The following SRRM2 variants were observed in gnomAD, a reference collection of about 807,000 sequenced individuals.
The protein encoded by SRRM2 is serine/arginine repetitive matrix protein 2.
Under a neutral mutation model 213.8 loss-of-function variants are expected in SRRM2, and 30 were observed. The ratio of observed to expected loss-of-function variants is 0.14; its 90% CI spans 0.10 to 0.19. The LOEUF (loss-of-function observed/expected upper bound fraction) is 0.19, where lower values mean the gene tolerates loss of function less well. SRRM2 is among the 10% of genes least tolerant of loss of function. The pLI, the probability that SRRM2 is intolerant of heterozygous loss-of-function variation, is 1.00. For missense variants in SRRM2, 4,904 were observed against 3,647.0 expected (o/e 1.34, Z -8.88); for synonymous variants, 2,025 against 1,377.7 (o/e 1.47, Z -10.40).
In SRRM2 at chr16:2,765,496, G is replaced by A. The variant is rs200591665; in HGVS notation, c.4968G>A (p.Glu1656=). 1.9e-6 allele frequency: 3 copies of A among 1,614,146 alleles called. No homozygotes were observed. Among genetic ancestry groups the A allele is most frequent in the Middle Eastern group, 1.6e-4 (1 of 6,062 alleles). The change falls in exon 11 of 15, where the codon GAG becomes GAA. Residue 1656 remains glutamate (E), a synonymous_variant. Transcript: ENST00000301740. Reference sequence around the variant, plus strand: ...CTCCTGAAGGAAGCAGCAGTACCGAGTCCTCTCCTGAACATCCGCCCAAAT... The same window carrying A: ...CTCCTGAAGGAAGCAGCAGTACCGAATCCTCTCCTGAACATCCGCCCAAAT... ...GPSPEGSSST[E]SSPEHPPKSR...
Position 2,761,564 on chromosome 16 carries a change from T to C in SRRM2, c.1036T>C (p.Ser346Pro). Residue 346 changes from serine to proline, a missense_variant, in exon 11 of 15, where the codon TCT (serine) becomes CCT (proline). Coordinates refer to ENST00000301740, the MANE Select transcript of SRRM2 (RefSeq NM_016333.4). The part of the protein sequence containing the change: ...EDKDKDKKEK[S>P]ATRPSPSPER... ...CTGCTCTCTCTTCCACTCTTAGAAA[T>C]CTGCAACTCGACCTAGCCCCTCTCC... 2.0e-6 allele frequency: 3 copies of C among 1,502,028 alleles called. No individual in the cohort carries two copies. Among genetic ancestry groups the C allele is most frequent in the African/African-American group, 1.4e-5 (1 of 71,404 alleles). The allele number at this position is 1,502,028 out of a possible 1,614,324, so 93.0% of individuals were successfully genotyped here.
intron 2 of SRRM2, among the ~76,000 whole-genome samples, chr16:2,757,211 C>T (rs1318649492): frequency 6.6e-6 from 1 of 151,976 alleles, no homozygotes. Flanking sequence ...TGGGGAGGAG[C>T]ACTTGGAACC....
Position 2,770,640 on chromosome 16 carries a change from T to G in SRRM2, c.8172T>G (p.Arg2724=). The G allele has an allele frequency of 2.1e-5, 32 of 1,552,448 alleles. No homozygotes were observed. The highest frequency in any genetic ancestry group is 2.6e-5 in the Non-Finnish European group (30 of 1,147,794). Residue 2724 remains arginine (R), a synonymous_variant, in exon 14 of 15, where the codon CGT becomes CGG. Transcript: ENST00000301740. The part of the protein sequence containing the change: ...SSERGSRRGQ[R]GDSRSPSHKR... Reference sequence around the variant, plus strand: ...AGCGGGGTTCCCGGAGAGGCCAGCGTGGGGACAGCCGCTCCCCCAGCCACA... The same window carrying G: ...AGCGGGGTTCCCGGAGAGGCCAGCGGGGGGACAGCCGCTCCCCCAGCCACA...
At position 2,764,039 on chromosome 16, in the gene SRRM2, C is replaced by G. The variant is rs756498729; in HGVS notation, c.3511C>G (p.Pro1171Ala). ...TGAATCAAAAGAGAAAATGGCCTTA[C>G]CCCCTCAGGAGGATGCTACTGCATC... ...TAESKEKMALPPQEDATASPP... is the reference protein window; with the variant it reads ...TAESKEKMALAPQEDATASPP... Residue 1171 changes from proline to alanine, a missense_variant, in exon 11 of 15, where the codon CCC (proline) becomes GCC (alanine). Coordinates refer to ENST00000301740, the MANE Select transcript of SRRM2 (RefSeq NM_016333.4). 6 of 1,614,148 alleles carry G rather than the reference C, an allele frequency of 3.7e-6. No homozygotes were observed. The highest frequency in any genetic ancestry group is 5.1e-6 in the Non-Finnish European group (6 of 1,180,024).
Position 2,765,026 on chromosome 16 carries a change from C to G in SRRM2, c.4498C>G (p.Pro1500Ala), listed in dbSNP as rs113263000. Residue 1500 changes from proline to alanine, a missense_variant, in exon 11 of 15, where the codon CCA becomes GCA. Transcript: ENST00000301740. ...GACTCCTAGGCCGAGGAGTCGTTCTCCATCATCCCCAGAGCTCAACAACAA... is the reference window on the plus strand; with the variant it reads ...GACTCCTAGGCCGAGGAGTCGTTCTGCATCATCCCCAGAGCTCAACAACAA... ...PQTPRPRSRS[P>A]SSPELNNKCL... is the part of the protein sequence containing the mutation. 67 of 1,614,028 alleles carry G rather than the reference C, an allele frequency of 4.2e-5. 5 individuals are homozygous for G. The African/African-American group carries it at 4.7e-4, about 11-fold the overall frequency.
In SRRM2 at chr16:2,762,562, T is replaced by G; in HGVS notation, c.2034T>G (p.Ser678Arg). ...RSRSRTPARRSGRSRSRTPAR... is the reference protein window; with the variant it reads ...RSRSRTPARRRGRSRSRTPAR... ...GCTCTAGAACCCCAGCTAGACGCAG[T>G]GGTCGCTCACGCTCCAGAACACCAG... The change falls in exon 11 of 15, where the codon AGT (serine) becomes AGG (arginine). Residue 678 changes from serine (S) to arginine (R), a missense_variant. Ser to Arg is a moderately radical substitution (Grantham distance 110, BLOSUM62 -1). Transcript: ENST00000301740. 1 of 1,613,394 alleles carries G rather than the reference T, an allele frequency of 6.2e-7. No individual in the cohort carries two copies. The highest frequency in any genetic ancestry group is 8.5e-7 in the Non-Finnish European group (1 of 1,179,850).
Position 2,764,853 on chromosome 16 carries a change from G to A in SRRM2, c.4325G>A (p.Gly1442Glu), listed in dbSNP as rs1014382645. ...PRTPSRRSRS[G>E]SSPGLRDGSG... ...ACTCCATCAAGGAGAAGCAGGTCTG[G>A]GTCTTCTCCAGGACTTAGAGATGGG... The change falls in exon 11 of 15, where the codon GGG (glycine) becomes GAG (glutamate). Residue 1442 changes from glycine to glutamate, a missense_variant. By Grantham distance (98) the Gly-to-Glu change is moderately conservative. Coordinates refer to ENST00000301740, the MANE Select transcript of SRRM2 (RefSeq NM_016333.4). The A allele has an allele frequency of 1.9e-6, 3 of 1,614,012 alleles. No individual in the cohort carries two copies. Among genetic ancestry groups the A allele is most frequent in the Admixed American group, 1.7e-5 (1 of 59,988 alleles).
At chr16:2,753,775 G>A (rs1424143673) in intron 1 of SRRM2, 1 of 152,120 alleles carries the variant, frequency 6.6e-6, no homozygotes. Flanking sequence ...GTGGGCTTAG[G>A]GCTCTTCTAA....
Position 2,760,467 on chromosome 16 carries a change from C to G in SRRM2, c.1000C>G (p.Pro334Ala). 6.2e-7 allele frequency: 1 copy of G among 1,614,096 alleles called. No homozygotes were observed. The highest frequency in any genetic ancestry group is 8.5e-7 in the Non-Finnish European group (1 of 1,180,012). ...GACTGCTACGAAACAGCCTAGCAGC[C>G]CTTATGAAGACAAAGATAAAGACAA... ...PETATKQPSSPYEDKDKDKKE... is the reference protein window; with the variant it reads ...PETATKQPSSAYEDKDKDKKE... The change falls in exon 10 of 15, where the codon CCT becomes GCT. Residue 334 changes from proline to alanine, a missense_variant. By Grantham distance (27) the Pro-to-Ala change is conservative (BLOSUM62 -1). Transcript: ENST00000301740.
Position 2,761,829 on chromosome 16 carries a change from C to G in SRRM2, c.1301C>G (p.Ala434Gly). The G allele has an allele frequency of 6.2e-7, 1 of 1,613,744 alleles. No homozygotes were observed. Residue 434 changes from alanine (A) to glycine (G), a missense_variant, in exon 11 of 15, where the codon GCC (alanine) becomes GGC (glycine). Physicochemically the swap from Ala to Gly is moderately conservative, Grantham distance 60 (BLOSUM62 0). Coordinates refer to ENST00000301740, the MANE Select transcript of SRRM2 (RefSeq NM_016333.4). ...SPQPTKVSRH[A>G]SSSPESPKPA... ...CAACCTACCAAAGTTTCTCGGCATG[C>G]CAGCTCTTCCCCAGAAAGTCCTAAA...
In SRRM2 at chr16:2,762,871, G is replaced by T. The variant is rs1238177724; in HGVS notation, c.2343G>T (p.Gly781=). The change falls in exon 11 of 15, where the codon GGG becomes GGT. Residue 781 remains glycine (G), a synonymous_variant. Transcript: ENST00000301740. ...TGTCTTTGAGGCGCAGCCTTTCAGG[G>T]TCTTCCCCATGCCCTAAACAAAAGT... ...SRLSLRRSLS[G]SSPCPKQKSQ... 6.2e-7 allele frequency: 1 copy of T among 1,613,986 alleles called. No individual in the cohort carries two copies. The highest frequency in any genetic ancestry group is 1.3e-5 in the African/African-American group (1 of 74,894).
rs59625940 is a variant in SRRM2 at position 2,760,733 on chromosome 16, C to G, written c.1032+234C>G. ...CTGGATGTTAGGTTTTATATTGTGTCTTGTTTATACATAGATAGAACTGGA... is the reference window on the plus strand; with the variant it reads ...CTGGATGTTAGGTTTTATATTGTGTGTTGTTTATACATAGATAGAACTGGA... On this transcript the variant is annotated intron_variant, in intron 10 of 14. Coordinates refer to ENST00000301740, the MANE Select transcript of SRRM2 (RefSeq NM_016333.4). The G allele has an allele frequency of 2.9e-5, 15 of 515,704 alleles. No individual in the cohort carries two copies. The East Asian group carries it at 4.1e-4, about 14-fold the overall frequency. 31.9% of individuals were successfully genotyped at this position (515,704 alleles called of 1,614,324 possible).
rs1207955090 is a variant in SRRM2, at chr16:2,764,839, G to A, written c.4311G>A (p.Arg1437=). Residue 1437 remains arginine, a synonymous_variant, in exon 11 of 15, where the codon AGG becomes AGA. Transcript: ENST00000301740. The stretch of plus-strand genomic sequence containing the variant: ...ATGGTTTACCCAGAACTCCATCAAG[G>A]AGAAGCAGGTCTGGGTCTTCTCCAG... The part of the protein sequence containing the change: ...MKDGLPRTPS[R]RSRSGSSPGL... 8.1e-6 allele frequency: 13 copies of A among 1,614,076 alleles called. No individual in the cohort carries two copies. The highest frequency in any genetic ancestry group is 1.6e-4 in the Middle Eastern group (1 of 6,084).
chr16:2,765,503 C>A lies in SRRM2; in HGVS notation c.4975C>A (p.Pro1659Thr), dbSNP rs776880416. The change falls in exon 11 of 15, where the codon CCT becomes ACT. Residue 1659 changes from proline (P) to threonine (T), a missense_variant. Transcript: ENST00000301740. ...AGGAAGCAGCAGTACCGAGTCCTCT[C>A]CTGAACATCCGCCCAAATCCAGAAC... is the stretch of plus-strand genomic sequence containing the variant. ...PEGSSSTESS[P>T]EHPPKSRTAR... is the part of the protein sequence containing the mutation. 3 of 1,614,216 alleles carry A rather than the reference C, an allele frequency of 1.9e-6. No individual in the cohort carries two copies. The highest frequency in any genetic ancestry group is 2.2e-5 in the South Asian group (2 of 91,082).
At position 2,766,642 on chromosome 16, in the gene SRRM2, A is replaced by T; in HGVS notation, c.6114A>T (p.Pro2038=). The T allele has an allele frequency of 1.9e-6, 3 of 1,613,434 alleles. No individual in the cohort carries two copies. The highest frequency in any genetic ancestry group is 2.5e-6 in the Non-Finnish European group (3 of 1,179,782). The part of the protein sequence containing the change: ...RRSRSRTPLL[P]RKRSRSRSPL... ...CTAGATCTCGAACGCCACTGTTACC[A>T]CGCAAACGTTCTCGAAGTCGCTCAC... The change falls in exon 11 of 15, where the codon CCA becomes CCT. Residue 2038 remains proline (P), a synonymous_variant. Coordinates refer to ENST00000301740, the MANE Select transcript of SRRM2 (RefSeq NM_016333.4). The surrounding 1 kb of genome is among the most constrained non-coding windows in gnomAD (Gnocchi z 7.0).
rs2068416401 is a variant in SRRM2 at position 2,763,038 on chromosome 16, GTTCATC to G, written c.2512_2517del (p.Ser838_Ser839del). 2 of 1,614,092 alleles carry G rather than the reference GTTCATC, an allele frequency of 1.2e-6. No homozygotes were observed. Among genetic ancestry groups the G allele is most frequent in the East Asian group, 4.5e-5 (2 of 44,880 alleles). ...ACACCATCAAGACAAAGTCATTCCA[GTTCATC>G]TCCTCATCCTAAAGTGAAATCTGGA... On this transcript the variant is annotated inframe_deletion, in exon 11 of 15. Transcript: ENST00000301740.
rs1828263985 is a variant in SRRM2 at position 2,771,109 on chromosome 16, G to C, written c.*242G>C. 1.8e-6 allele frequency: 1 copy of C among 547,360 alleles called. No homozygotes were observed. Among genetic ancestry groups the C allele is most frequent in the South Asian group, 2.0e-5 (1 of 49,266 alleles). 33.9% of individuals were successfully genotyped at this position (547,360 alleles called of 1,614,324 possible). On this transcript the variant is annotated 3_prime_UTR_variant, in exon 15 of 15. Transcript: ENST00000301740. ...TTGGGGTGGGAGGGAATGCAGATGG[G>C]AGTTGGGGGAGGGGAGGATACAGTT... is the stretch of plus-strand genomic sequence containing the variant.
chr16:2,761,785 G>GAGC lies in SRRM2; in HGVS notation c.1261_1263dup (p.Ser421dup), dbSNP rs1387298435. The stretch of plus-strand genomic sequence containing the variant: ...AACTTCCCCAGTCTTCTTCCTCAGA[G>GAGC]AGCAGCCCACCATCCCCTCAACCTA... On this transcript the variant is annotated inframe_insertion, in exon 11 of 15. Transcript: ENST00000301740. The GAGC allele has an allele frequency of 6.2e-7, 1 of 1,613,848 alleles. No homozygotes were observed. The highest frequency in any genetic ancestry group is 2.2e-5 in the East Asian group (1 of 44,868).
chr16:2,758,411 A>G, intron 4 of SRRM2, 59 bp from the exon 5 acceptor site: 1 of 1,383,236 alleles, frequency 7.2e-7, no homozygotes, highest in East Asian at 2.3e-5. Flanking sequence ...TGTCTTTTAA[A>G]GAAAAGAAAG....
Sources: allele counts gnomAD v4.1 joint callset (sites outside exome capture counted in the v4.1 genomes callset), GRCh38; gene constraint gnomAD v4.1.1; non-coding constraint Gnocchi (gnomAD v3.1); transcripts MANE v1.5; gene names NCBI Gene and HGNC (gene_info 2026-07-23, HGNC 2026-07-21).